The following OCA2 variants were observed in gnomAD, a reference collection of about 807,000 sequenced individuals.
The protein encoded by OCA2 is OCA2 melanosomal transmembrane protein, also known as P protein.
A neutral mutation model predicts 100.2 loss-of-function variants in OCA2; 77 were observed. That is an observed-to-expected ratio of 0.77 (90% CI 0.64 to 0.93). OCA2 has a LOEUF of 0.93. Ranked by LOEUF, OCA2 falls within the 40% of genes least tolerant of loss-of-function variation. The pLI is 0.00. For missense variants in OCA2, 1,062 were observed against 1,089.1 expected, an observed-to-expected ratio of 0.98 and a Z score of 0.35; for synonymous variants, 432 against 439.2, an observed-to-expected ratio of 0.98 and a Z score of 0.21.
the OCA2 span, among the ~76,000 whole-genome samples, chr15:27,738,257 C>T: frequency 6.6e-6 from 1 of 152,014 alleles, no homozygotes. Context: ...AAAAAACAGC[C>T]CAAATACCAA....
At chr15:27,724,263 T>C in the OCA2 span, among the ~76,000 whole-genome samples, 1 of 152,096 alleles carries the variant, frequency 6.6e-6, no homozygotes, top group Non-Finnish European at 1.5e-5. Context: ...GAGATCAGGG[T>C]GTCGGCAGAG....
intron 14 of OCA2, among the ~76,000 whole-genome samples, chr15:27,972,820 GTTATTTTAT>G (rs1312815596): frequency 2.3e-4 from 17 of 74,458 alleles, no homozygotes; most frequent in African/African-American, 4.5e-4. Context: ...TACTTTGATG[GTTATTTTAT>G]TTTATTTTAT....
intron 23 of OCA2, among the ~76,000 whole-genome samples, chr15:27,805,541 CGCT>C (rs2033801037): frequency 6.6e-6 from 1 of 152,172 alleles, no homozygotes; most frequent in Non-Finnish European, 1.5e-5. Flanking sequence ...CGCATGGAGC[CGCT>C]CGCCCAGGAT....
At chr15:27,949,214 G>A (rs1291365185) in intron 18 of OCA2, among the ~76,000 whole-genome samples, 1 of 152,210 alleles carries the variant, frequency 6.6e-6, no homozygotes, top group Non-Finnish European at 1.5e-5. Context: ...TATGTTATAT[G>A]AAATTACATT....
the OCA2 span, among the ~76,000 whole-genome samples, chr15:27,731,531 T>C: frequency 6.6e-6 from 1 of 152,254 alleles, no homozygotes; most frequent in Admixed American, 6.5e-5. Flanking sequence ...AATGAATACA[T>C]TGTGATGTTA....
chr15:27,801,980 C>T (rs1156907767), intron 23 of OCA2, among the ~76,000 whole-genome samples: 2 of 151,792 alleles, frequency 1.3e-5, no homozygotes, highest in Non-Finnish European at 2.9e-5. Flanking sequence ...ATAACCAATG[C>T]AATTAGGCAA....
chr15:28,082,864 A>G (rs1005252263), intron 1 of OCA2, among the ~76,000 whole-genome samples: 5 of 152,180 alleles, frequency 3.3e-5, no homozygotes, highest in African/African-American at 1.2e-4. Context: ...AAAAGTAAGA[A>G]CTATTCCTAT....
intron 19 of OCA2, among the ~76,000 whole-genome samples, chr15:27,911,575 C>T (rs2166913): frequency 0.054 from 8,217 of 152,126 alleles, 759 homozygotes; most frequent in African/African-American, 0.19. Context: ...ATGGCAGGAG[C>T]AGAAGTGAGG....
chr15:28,071,025 C>A (rs1180409010), intron 2 of OCA2, among the ~76,000 whole-genome samples: 1 of 140,810 alleles, frequency 7.1e-6, no homozygotes, highest in Non-Finnish European at 1.5e-5. Context: ...ACAAACACTG[C>A]GGAAGGCCGC....
intron 18 of OCA2, among the ~76,000 whole-genome samples, chr15:27,929,010 T>A (rs982590297): frequency 1.1e-4 from 16 of 152,134 alleles, no homozygotes; most frequent in Admixed American, 1.0e-3. Context: ...TTGGGGAAAA[T>A]TAACATTTTA....
chr15:27,827,396 C>T (rs1203032302), intron 23 of OCA2, among the ~76,000 whole-genome samples: 5 of 152,082 alleles, frequency 3.3e-5, no homozygotes, highest in Non-Finnish European at 7.4e-5. Context: ...CAGGTAATTC[C>T]GGGTTTAATA....
rs187169053 is a variant in OCA2 at position 28,021,995 on chromosome 15, T to C, written c.646+506A>G. On this transcript the variant is annotated intron_variant, in intron 6 of 23. Transcript: ENST00000354638. The stretch of plus-strand genomic sequence containing the variant: ...ACCCTCCAACTAATGCCTGCAGAAG[T>C]CAAGGCATGCTCATCTCCAAGCTTA... Among the ~76,000 whole-genome samples, 73 of 152,204 alleles carry C rather than the reference T, an allele frequency of 4.8e-4. No individual in the cohort carries two copies. The East Asian group carries it at 9.1e-3, about 19-fold the overall frequency.
chr15:27,965,801 G>A (rs1567166792), intron 15 of OCA2, among the ~76,000 whole-genome samples: 1 of 152,212 alleles, frequency 6.6e-6, no homozygotes, highest in African/African-American at 2.4e-5. Context: ...GTCAAGGAAA[G>A]GCTGCTTGTT....
At chr15:27,723,790 G>T in the OCA2 span, among the ~76,000 whole-genome samples, 1 of 152,176 alleles carries the variant, frequency 6.6e-6, no homozygotes, top group South Asian at 2.1e-4. Context: ...ATCTTGAGGT[G>T]CTTGTTCACA....
chr15:27,901,603 G>A (rs2037935368), intron 19 of OCA2, among the ~76,000 whole-genome samples: 1 of 152,150 alleles, frequency 6.6e-6, no homozygotes, highest in South Asian at 2.1e-4. Flanking sequence ...ACCTCGCAAG[G>A]AGGGTGGAAA....
chr15:28,093,027 A>T (rs1343512245), intron 1 of OCA2, among the ~76,000 whole-genome samples: 1 of 152,180 alleles, frequency 6.6e-6, no homozygotes, highest in Non-Finnish European at 1.5e-5. Context: ...CAAAGATTTC[A>T]CTAAGGAGGA....
chr15:27,833,590 GAA>G (rs2035040319), intron 23 of OCA2, among the ~76,000 whole-genome samples: 2 of 151,978 alleles, frequency 1.3e-5, no homozygotes, highest in Non-Finnish European at 2.9e-5. Flanking sequence ...CCTAATGGTT[GAA>G]ATTAAGGATT....
At chr15:27,848,058 G>T (rs2151391646) in intron 22 of OCA2, among the ~76,000 whole-genome samples, 2 of 152,304 alleles carry the variant, frequency 1.3e-5, no homozygotes, top group Middle Eastern at 6.8e-3. Context: ...GAGGGAGCGG[G>T]ACCCCTATGT....
chr15:27,962,284 C>T (rs1373877942), intron 15 of OCA2, among the ~76,000 whole-genome samples: 1 of 152,226 alleles, frequency 6.6e-6, no homozygotes, highest in Non-Finnish European at 1.5e-5. Flanking sequence ...ATATAAGTTT[C>T]AACTCTTTGT....
Sources: allele counts gnomAD v4.1 joint callset (sites outside exome capture counted in the v4.1 genomes callset), GRCh38; gene constraint gnomAD v4.1.1; transcripts MANE v1.5; gene names NCBI Gene and HGNC (gene_info 2026-07-23, HGNC 2026-07-21).